Variants in PDLIM5 observed in about 807,000 individuals in gnomAD.
PDLIM5 encodes the protein PDZ and LIM domain 5, also known as PDZ and LIM domain protein 5.
PDLIM5 carries 34 observed loss-of-function variants against 64.2 expected under a neutral mutation model. The ratio of observed to expected loss-of-function variants is 0.53; its 90% CI spans 0.40 to 0.71. The LOEUF (loss-of-function observed/expected upper bound fraction) is 0.71. Ranked by LOEUF, PDLIM5 falls within the 30% of genes least tolerant of loss-of-function variation. The pLI is 0.00. For synonymous variants in PDLIM5, 253 were observed against 269.1 expected, an observed-to-expected ratio of 0.94 and a Z score of 0.59; for missense variants, 683 against 733.6, an observed-to-expected ratio of 0.93 and a Z score of 0.80.
intron 7 of PDLIM5, among the ~76,000 whole-genome samples, chr4:94,605,660 C>A (rs1306831525): frequency 6.6e-6 from 1 of 152,116 alleles, no homozygotes; most frequent in African/African-American, 2.4e-5. Flanking sequence ...TAGAGTTTGG[C>A]TAAGCAATGA....
intron 8 of PDLIM5, among the ~76,000 whole-genome samples, chr4:94,621,744 A>C (rs931078141): frequency 1.3e-5 from 2 of 152,208 alleles, no homozygotes; most frequent in Non-Finnish European, 2.9e-5. Flanking sequence ...TGTGAGAATA[A>C]TCAAAGTAGG....
chr4:94,511,712 A>G (rs1463412217), intron 2 of PDLIM5, among the ~76,000 whole-genome samples: 2 of 152,086 alleles, frequency 1.3e-5, no homozygotes, highest in East Asian at 1.9e-4. Flanking sequence ...GGTCCCGCAG[A>G]TAAGTGAAAA....
intron 3 of PDLIM5, among the ~76,000 whole-genome samples, chr4:94,572,754 A>G (rs1734916596): frequency 6.6e-6 from 1 of 152,172 alleles, no homozygotes; most frequent in Admixed American, 6.5e-5. Flanking sequence ...CCTTCTCTGA[A>G]ATTATAGTCT....
At chr4:94,631,250 C>G (rs982243478) in intron 8 of PDLIM5, among the ~76,000 whole-genome samples, 1 of 152,006 alleles carries the variant, frequency 6.6e-6, no homozygotes, top group Admixed American at 6.6e-5. Flanking sequence ...AAATGTTTCT[C>G]AAAACGTGAA....
intron 8 of PDLIM5, among the ~76,000 whole-genome samples, chr4:94,635,115 G>A (rs1309916764): frequency 6.6e-6 from 1 of 152,110 alleles, no homozygotes; most frequent in African/African-American, 2.4e-5. Flanking sequence ...CAATTTTAAA[G>A]TTAACGAAAG....
chr4:94,640,399 T>G lies in PDLIM5; in HGVS notation c.1232T>G (p.Ile411Ser). 1.2e-6 allele frequency: 2 copies of G among 1,611,830 alleles called. No individual in the cohort carries two copies. The highest frequency in any genetic ancestry group is 1.7e-6 in the Non-Finnish European group (2 of 1,178,778). ...ACTTTAGTGCAAAGAGCTGAGCACA[T>G]TCCAGCAGGGAAACGAACTCCGATG... is the stretch of plus-strand genomic sequence containing the variant. ...QDTLVQRAEH[I>S]PAGKRTPMCA... The change falls in exon 9 of 13, where the codon ATT becomes AGT. Residue 411 changes from isoleucine (I) to serine (S), a missense_variant. Coordinates refer to ENST00000317968, the MANE Select transcript of PDLIM5 (RefSeq NM_006457.5).
At chr4:94,649,726 G>C (rs1741695182) in intron 9 of PDLIM5, among the ~76,000 whole-genome samples, 1 of 152,200 alleles carries the variant, frequency 6.6e-6, no homozygotes, top group Non-Finnish European at 1.5e-5. Flanking sequence ...TTGCCAAATT[G>C]AAATTATATC....
At position 94,563,452 on chromosome 4, in the gene PDLIM5, A is replaced by G. The variant is rs3805273; in HGVS notation, c.249-9899A>G. Among the ~76,000 whole-genome samples, 367 of 152,348 alleles carry G rather than the reference A, an allele frequency of 2.4e-3. 7 individuals carry two copies. In the East Asian group the frequency reaches 0.059, roughly 24 times the overall value. On this transcript the variant is annotated intron_variant, in intron 3 of 12. Transcript: ENST00000317968. ...CAAAGTTATTTTTTAAGTGTTACGT[A>G]ACTGGAAAAAGCTAAGTTGAGATTG...
chr4:94,495,234 C>T (rs1043324659), intron 2 of PDLIM5, among the ~76,000 whole-genome samples: 1 of 152,034 alleles, frequency 6.6e-6, no homozygotes, highest in African/African-American at 2.4e-5. Flanking sequence ...TGTGATCATA[C>T]TCTTACTAGG....
Position 94,654,490 on chromosome 4 carries a change from T to A in PDLIM5, c.1314T>A (p.Ser438=). The A allele has an allele frequency of 1.9e-6, 3 of 1,612,730 alleles. No homozygotes were observed. The highest frequency in any genetic ancestry group is 2.5e-6 in the Non-Finnish European group (3 of 1,178,748). ...CATTCTTAGTGGCACTGGGGAAATC[T>A]TGGCACCCAGAAGAATTCAACTGCG... ...RGPFLVALGK[S]WHPEEFNCAH... Residue 438 remains serine (S), a synonymous_variant, in exon 10 of 13, where the codon TCT becomes TCA. Transcript: ENST00000317968.
At chr4:94,540,701 C>G (rs1256608433) in intron 3 of PDLIM5, among the ~76,000 whole-genome samples, 4 of 152,118 alleles carry the variant, frequency 2.6e-5, no homozygotes, top group Non-Finnish European at 5.9e-5. Flanking sequence ...CTGTGCTGAT[C>G]CATGTCTTAT....
intron 8 of PDLIM5, among the ~76,000 whole-genome samples, chr4:94,629,467 G>A (rs2110429325): frequency 6.6e-6 from 1 of 152,294 alleles, no homozygotes. Context: ...ATACTGGGTT[G>A]CTTTTACTTG....
At chr4:94,636,076 CA>C in intron 8 of PDLIM5, among the ~76,000 whole-genome samples, 1 of 152,176 alleles carries the variant, frequency 6.6e-6, no homozygotes, top group Non-Finnish European at 1.5e-5. Flanking sequence ...GAGATACAGT[CA>C]CATGTTTCAT....
intron 7 of PDLIM5, among the ~76,000 whole-genome samples, chr4:94,604,988 G>T (rs1737802813): frequency 6.6e-6 from 1 of 152,180 alleles, no homozygotes; most frequent in South Asian, 2.1e-4. Flanking sequence ...GATGGCTGAA[G>T]ACTGACAGTC....
intron 3 of PDLIM5, among the ~76,000 whole-genome samples, chr4:94,555,790 A>G (rs1472356568): frequency 6.6e-6 from 1 of 152,028 alleles, no homozygotes; most frequent in African/African-American, 2.4e-5. Flanking sequence ...TCTTCATTTA[A>G]TCTTGGGAAT....
chr4:94,567,368 A>G (rs747989014), intron 3 of PDLIM5, among the ~76,000 whole-genome samples: 9 of 152,218 alleles, frequency 5.9e-5, no homozygotes, highest in Non-Finnish European at 1.0e-4. Flanking sequence ...CTTTTATATT[A>G]GTAATGAAGT....
Position 94,640,326 on chromosome 4 carries a change from G to A in PDLIM5, c.1159G>A (p.Ala387Thr), listed in dbSNP as rs1740898219. 2 of 1,611,908 alleles carry A rather than the reference G, an allele frequency of 1.2e-6. No homozygotes were observed. The highest frequency in any genetic ancestry group is 1.7e-5 in the Admixed American group (1 of 59,968). Residue 387 changes from alanine to threonine, a missense_variant, in exon 9 of 13, where the codon GCA becomes ACA. Physicochemically the swap from Ala to Thr is moderately conservative, Grantham distance 58 (BLOSUM62 0). Transcript: ENST00000317968. ...CAGCGCTACTTACTCAGGATCAGTG[G>A]CACCAGCCAACTCAGCTTTGGGACA... ...SNSATYSGSV[A>T]PANSALGQTQ...
At chr4:94,646,010 C>T (rs1034278382) in intron 9 of PDLIM5, among the ~76,000 whole-genome samples, 2 of 152,198 alleles carry the variant, frequency 1.3e-5, no homozygotes, top group Non-Finnish European at 2.9e-5. Flanking sequence ...TTCTTAAACT[C>T]ATGTAGATTA....
chr4:94,519,330 T>G (rs1729633683), intron 2 of PDLIM5, among the ~76,000 whole-genome samples: 1 of 152,180 alleles, frequency 6.6e-6, no homozygotes, highest in Non-Finnish European at 1.5e-5. Context: ...TTCCGGTGCA[T>G]TTTGTGGTAT....
Sources: gnomAD v4.1 joint callset for allele counts (sites outside exome capture counted in the v4.1 genomes callset) on GRCh38, gnomAD v4.1.1 for gene constraint, MANE v1.5 for transcripts, NCBI Gene and HGNC (gene_info 2026-07-23, HGNC 2026-07-21) for gene names.